NEGR1: variants seen among roughly 807,000 people sequenced by gnomAD.
NEGR1 encodes the protein IgLON family member 4.
A neutral mutation model predicts 40.9 loss-of-function variants in NEGR1; 10 were observed. The observed-to-expected ratio is 0.24, with a 90% CI of 0.15 to 0.42. The LOEUF is 0.42. Ranked by LOEUF, NEGR1 falls within the 10% of genes least tolerant of loss-of-function variation. The pLI, the probability that NEGR1 is intolerant of heterozygous loss-of-function variation, is 1.00. For missense variants in NEGR1, 352 were observed against 438.9 expected, an observed-to-expected ratio of 0.80 and a Z score of 1.77; for synonymous variants, 185 against 166.8, an observed-to-expected ratio of 1.11 and a Z score of -0.84.
chr1:72,241,654 A>C (rs1464471420), intron 1 of NEGR1, among the ~76,000 whole-genome samples: 1 of 151,680 alleles, frequency 6.6e-6, no homozygotes, highest in African/African-American at 2.4e-5. Flanking sequence ...TTAGACAATC[A>C]GCAAACAATA....
chr1:71,562,519 T>C (rs1417832218), intron 6 of NEGR1, among the ~76,000 whole-genome samples: 1 of 151,958 alleles, frequency 6.6e-6, no homozygotes, highest in Non-Finnish European at 1.5e-5. Context: ...GCAGGTACTT[T>C]CAATTAAGTG....
At chr1:72,061,215 A>G (rs1344964881) in intron 1 of NEGR1, among the ~76,000 whole-genome samples, 2 of 151,758 alleles carry the variant, frequency 1.3e-5, no homozygotes, top group Non-Finnish European at 2.9e-5. Context: ...CTATAGATGT[A>G]AAAACTGTCT....
chr1:72,188,108 C>T (rs1320937580), intron 1 of NEGR1, among the ~76,000 whole-genome samples: 2 of 151,404 alleles, frequency 1.3e-5, no homozygotes, highest in African/African-American at 4.8e-5. Context: ...GATCTCTTTA[C>T]TCTCATGAGA....
intron 1 of NEGR1, among the ~76,000 whole-genome samples, chr1:72,101,623 CT>C (rs563269778): frequency 1.3e-4 from 20 of 148,658 alleles, no homozygotes; most frequent in Middle Eastern, 3.4e-3. Context: ...AGACTGTAGA[CT>C]TTTTTTTTTA....
At chr1:72,022,260 C>CATATATATATATATATATAT (rs59160727) in intron 1 of NEGR1, among the ~76,000 whole-genome samples, 4 of 111,664 alleles carry the variant, frequency 3.6e-5, no homozygotes, top group Non-Finnish European at 5.8e-5. Context: ...AAACAATTTT[C>CATATATATATATATATATAT]ATATATATAT....
intron 1 of NEGR1, among the ~76,000 whole-genome samples, chr1:72,280,026 A>G (rs934569749): frequency 9.8e-5 from 15 of 152,340 alleles, no homozygotes; most frequent in African/African-American, 3.4e-4. Context: ...TTTGTTAGAA[A>G]CATTATTGAG....
chr1:71,455,775 C>A (rs1646668568), intron 6 of NEGR1, among the ~76,000 whole-genome samples: 1 of 152,130 alleles, frequency 6.6e-6, no homozygotes, highest in South Asian at 2.1e-4. Context: ...CACTTTATTA[C>A]ATTTTTATGT....
intron 1 of NEGR1, among the ~76,000 whole-genome samples, chr1:71,949,381 T>A (rs112961963): frequency 1.8e-3 from 275 of 152,294 alleles, no homozygotes; most frequent in African/African-American, 6.3e-3. Context: ...CACTGTTCAG[T>A]CACTCATTTA....
chr1:71,583,021 T>A (rs545534820), intron 6 of NEGR1, among the ~76,000 whole-genome samples: 7 of 152,212 alleles, frequency 4.6e-5, no homozygotes, highest in African/African-American at 1.4e-4. Flanking sequence ...TCTATACTCC[T>A]GGTTAGAGAA....
At chr1:71,443,302 C>G (rs1053261490) in intron 6 of NEGR1, among the ~76,000 whole-genome samples, 1 of 152,162 alleles carries the variant, frequency 6.6e-6, no homozygotes, top group African/African-American at 2.4e-5. Flanking sequence ...TTGTTGACCT[C>G]GCTAGATCCC....
intron 3 of NEGR1, among the ~76,000 whole-genome samples, chr1:71,759,625 T>TTTTTTTTTTTTTC (rs1655870630): frequency 7.8e-6 from 1 of 128,416 alleles, no homozygotes; most frequent in Non-Finnish European, 1.6e-5. Flanking sequence ...TTTTTTTTTT[T>TTTTTTTTTTTTTC]TTGAGACGGA....
intron 1 of NEGR1, among the ~76,000 whole-genome samples, chr1:71,981,870 T>C (rs1253245187): frequency 6.6e-6 from 1 of 152,206 alleles, no homozygotes; most frequent in Non-Finnish European, 1.5e-5. Context: ...ATTCATGATA[T>C]GAACTATTAA....
intron 1 of NEGR1, among the ~76,000 whole-genome samples, chr1:71,942,455 C>A (rs12139493): frequency 0.044 from 928 of 21,304 alleles, 23 homozygotes; most frequent in South Asian, 0.082. Flanking sequence ...TTCTTTAAAT[C>A]TATATATATA....
At chr1:71,755,665 A>C (rs1439328511) in intron 3 of NEGR1, among the ~76,000 whole-genome samples, 2 of 152,172 alleles carry the variant, frequency 1.3e-5, no homozygotes, top group Admixed American at 6.6e-5. Context: ...ATCAATTAGC[A>C]ACTTCCTGTC....
intron 2 of NEGR1, among the ~76,000 whole-genome samples, chr1:71,805,144 C>T (rs1387183636): frequency 6.6e-6 from 1 of 152,144 alleles, no homozygotes; most frequent in African/African-American, 2.4e-5. Flanking sequence ...GACCAGTTGT[C>T]TGCTCTCAAA....
intron 2 of NEGR1, among the ~76,000 whole-genome samples, chr1:71,845,387 A>T (rs913562017): frequency 6.6e-6 from 1 of 152,128 alleles, no homozygotes; most frequent in African/African-American, 2.4e-5. Flanking sequence ...AGATCTTGAG[A>T]TGGGTAGGAG....
chr1:72,259,512 A>C (rs891449676), intron 1 of NEGR1, among the ~76,000 whole-genome samples: 1 of 152,140 alleles, frequency 6.6e-6, no homozygotes, highest in South Asian at 2.1e-4. Flanking sequence ...GCCATCATCT[A>C]AATTATGATA....
chr1:72,255,648 T>C (rs977698642), intron 1 of NEGR1, among the ~76,000 whole-genome samples: 2 of 150,672 alleles, frequency 1.3e-5, no homozygotes, highest in Admixed American at 1.3e-4. Flanking sequence ...CCTCCCGGGT[T>C]CAAGCAATTC....
At chr1:71,767,567 CATAAAAGTT>C (rs1656175300) in intron 3 of NEGR1, among the ~76,000 whole-genome samples, 1 of 152,092 alleles carries the variant, frequency 6.6e-6, no homozygotes, top group African/African-American at 2.4e-5. Flanking sequence ...GGAAGCACAG[CATAAAAGTT>C]TGGAAAATTT....
Sources: allele counts gnomAD v4.1 joint callset (sites outside exome capture counted in the v4.1 genomes callset), GRCh38; gene constraint gnomAD v4.1.1; transcripts MANE v1.5; gene names NCBI Gene and HGNC (gene_info 2026-07-23, HGNC 2026-07-21).